POU3F3: variants seen among roughly 807,000 people sequenced by gnomAD.
The protein encoded by POU3F3 is POU class 3 homeobox 3, also known as POU domain, class 3, transcription factor 3.
A neutral mutation model predicts 8.6 loss-of-function variants in POU3F3; 1 was observed. That is an observed-to-expected ratio of 0.12 (90% CI 0.04 to 0.55). POU3F3 has a LOEUF of 0.55. POU3F3 is among the 20% of genes least tolerant of loss of function. The pLI is 0.91. For missense variants in POU3F3, 577 were observed against 690.7 expected (o/e 0.84, Z 1.84); for synonymous variants, 418 against 327.4 (o/e 1.28, Z -2.99).
the POU3F3 span, among the ~76,000 whole-genome samples, chr2:104,900,522 C>T: frequency 6.6e-6 from 1 of 152,162 alleles, no homozygotes; most frequent in African/African-American, 2.4e-5. Flanking sequence ...TGTGAGTTGA[C>T]AGCCCCCAGC....
At chr2:104,901,105 A>C in the POU3F3 span, among the ~76,000 whole-genome samples, 1 of 152,236 alleles carries the variant, frequency 6.6e-6, no homozygotes, top group Admixed American at 6.5e-5. Flanking sequence ...GGTCTGCATT[A>C]AATGTCATAG....
the POU3F3 span, among the ~76,000 whole-genome samples, chr2:104,881,101 T>C: frequency 6.7e-6 from 1 of 148,682 alleles, no homozygotes; most frequent in Non-Finnish European, 1.5e-5. Context: ...ATATATTTTC[T>C]CTTTCTTTCT....
chr2:104,892,155 C>G, the POU3F3 span, among the ~76,000 whole-genome samples: 2 of 152,134 alleles, frequency 1.3e-5, no homozygotes. Context: ...GCCAGGTACC[C>G]TTCACCTAGC....
chr2:104,868,710 T>G, the POU3F3 span, among the ~76,000 whole-genome samples: 1 of 152,006 alleles, frequency 6.6e-6, no homozygotes, highest in South Asian at 2.1e-4. Context: ...GCGGGTCTGG[T>G]TTGGGCAGAG....
At chr2:104,886,432 C>T in the POU3F3 span, among the ~76,000 whole-genome samples, 2 of 152,092 alleles carry the variant, frequency 1.3e-5, no homozygotes, top group Admixed American at 6.5e-5. Flanking sequence ...ATAGAGCCTA[C>T]GTGTGTAACA....
chr2:104,873,927 G>A, the POU3F3 span, among the ~76,000 whole-genome samples: 1 of 152,330 alleles, frequency 6.6e-6, no homozygotes, highest in East Asian at 1.9e-4. Flanking sequence ...TTTTGCGCCT[G>A]TCTTAATACG....
At position 104,857,485 on chromosome 2, in the gene POU3F3, AC is replaced by A. The variant is rs1209321792; in HGVS notation, c.*473del. 6.5e-6 allele frequency: 1 copy of A among 153,658 alleles called. No homozygotes were observed. Among genetic ancestry groups the A allele is most frequent in the Admixed American group, 6.5e-5 (1 of 15,268 alleles). The allele number at this position is 153,658 out of a possible 1,614,324, so 9.5% of individuals were successfully genotyped here. ...GTTTTTCCACCCTGAGATGACCTAC[AC>A]GGCAGCGGTGGACAGCACCTGCCTC... is the stretch of plus-strand genomic sequence containing the variant. On this transcript the variant is annotated 3_prime_UTR_variant, in exon 1 of 1. Transcript: ENST00000361360.
At chr2:104,870,064 C>G in the POU3F3 span, 1 of 152,274 alleles carries the variant, frequency 6.6e-6, no homozygotes, top group African/African-American at 2.4e-5. Context: ...GGACTCAGGG[C>G]CATCATACAT....
chr2:104,919,230 T>G, the POU3F3 span, among the ~76,000 whole-genome samples: 3 of 152,238 alleles, frequency 2.0e-5, no homozygotes, highest in Non-Finnish European at 2.9e-5. Context: ...TGTGTGTGCA[T>G]GCACATTAGA....
At chr2:104,886,324 G>A in the POU3F3 span, among the ~76,000 whole-genome samples, 1 of 152,106 alleles carries the variant, frequency 6.6e-6, no homozygotes, top group Non-Finnish European at 1.5e-5. Context: ...TTCTGTGTTT[G>A]GATATACGTA....
Position 104,855,125 on chromosome 2 carries a change from GGGGGGCGGCCACGACCCCCCCTGAA to G in POU3F3, c.-380_-356del, listed in dbSNP as rs1282387853. Among the ~76,000 whole-genome samples, 1 of 151,654 alleles carries G rather than the reference GGGGGGCGGCCACGACCCCCCCTGAA, an allele frequency of 6.6e-6. No individual in the cohort carries two copies. The highest frequency in any genetic ancestry group is 2.1e-4 in the South Asian group (1 of 4,824). On this transcript the variant is annotated 5_prime_UTR_variant, in exon 1 of 1. Transcript: ENST00000361360. ...GGAGCGAGCCCAGCGCGCCGGGGCT[GGGGGGCGGCCACGACCCCCCCTGAA>G]GGGGGTGGCCACGGAGCGCACCCCG...
At chr2:104,881,393 T>C in the POU3F3 span, among the ~76,000 whole-genome samples, 1 of 152,142 alleles carries the variant, frequency 6.6e-6, no homozygotes, top group Non-Finnish European at 1.5e-5. Flanking sequence ...CTTGAACTCC[T>C]GACCTCAAGC....
the POU3F3 span, among the ~76,000 whole-genome samples, chr2:104,911,809 G>A: frequency 6.6e-6 from 1 of 151,924 alleles, no homozygotes; most frequent in Non-Finnish European, 1.5e-5. Flanking sequence ...CAAACAAGTG[G>A]TCTCGAGAGA....
rs1368232773 is a variant in POU3F3, at chr2:104,855,392, AG to A, written c.-112del. 26 of 98,556 alleles carry A rather than the reference AG, an allele frequency of 2.6e-4. No individual in the cohort carries two copies. In the African/African-American group the frequency reaches 3.2e-3, roughly 12 times the overall value. The allele number at this position is 98,556 out of a possible 1,614,324, so 6.1% of individuals were successfully genotyped here. A position where few individuals can be genotyped will look rare whatever the true frequency, so the allele number is the denominator to read the frequency against. ...GGGCCCGGGGCGGGGGCGGGGAAGG[AG>A]GGGGGGAGGAGGCGGGAGGCGGGGG... On this transcript the variant is annotated 5_prime_UTR_variant, in exon 1 of 1. Coordinates refer to ENST00000361360, the MANE Select transcript of POU3F3 (RefSeq NM_006236.3).
At chr2:104,872,674 AAT>A in the POU3F3 span, 1 of 262,660 alleles carries the variant, frequency 3.8e-6, no homozygotes, top group African/African-American at 2.4e-5. The surrounding 1 kb of genome is among the most constrained non-coding windows in gnomAD (Gnocchi z 4.6). Context: ...TGCAGCATTA[AAT>A]ATTCATAGGG....
the POU3F3 span, among the ~76,000 whole-genome samples, chr2:104,898,481 T>G: frequency 2.6e-5 from 4 of 152,216 alleles, no homozygotes; most frequent in Non-Finnish European, 5.9e-5. Flanking sequence ...ATGGCAATAA[T>G]TATTAAGTAA....
At chr2:104,882,510 C>CG in the POU3F3 span, among the ~76,000 whole-genome samples, 11 of 152,114 alleles carry the variant, frequency 7.2e-5, no homozygotes, top group African/African-American at 2.7e-4. Flanking sequence ...CCTCGGCTTC[C>CG]GAAAGTGCTG....
chr2:104,903,939 A>G, the POU3F3 span, among the ~76,000 whole-genome samples: 1 of 152,208 alleles, frequency 6.6e-6, no homozygotes, highest in Non-Finnish European at 1.5e-5. Flanking sequence ...TCCTTGCTCA[A>G]GGAAAGGCCA....
the POU3F3 span, among the ~76,000 whole-genome samples, chr2:104,864,538 GT>G: frequency 2.6e-5 from 4 of 151,868 alleles, no homozygotes; most frequent in South Asian, 2.1e-4. Context: ...ATTAGAGTTG[GT>G]TTTTTTTCCA....
Sources: gnomAD v4.1 joint callset for allele counts (sites outside exome capture counted in the v4.1 genomes callset) on GRCh38, gnomAD v4.1.1 for gene constraint, Gnocchi (gnomAD v3.1) non-coding constraint, MANE v1.5 for transcripts, NCBI Gene and HGNC (gene_info 2026-07-23, HGNC 2026-07-21) for gene names.